Variants in IL1RAPL2 observed in about 807,000 individuals in gnomAD.
IL1RAPL2 encodes the protein X-linked interleukin-1 receptor accessory protein-like 2.
Under a neutral mutation model 44.1 loss-of-function variants are expected in IL1RAPL2, and 3 were observed. The ratio of observed to expected loss-of-function variants is 0.07; its 90% CI spans 0.03 to 0.18. The LOEUF (loss-of-function observed/expected upper bound fraction) is 0.18, where lower values mean the gene tolerates loss of function less well. IL1RAPL2 is among the 10% of genes least tolerant of loss of function. The probability of loss-of-function intolerance (pLI) is 1.00; values close to 1 mark genes in which losing one functional copy is unlikely to be tolerated. For synonymous variants in IL1RAPL2, 181 were observed against 178.8 expected, an observed-to-expected ratio of 1.01 and a Z score of -0.10; for missense variants, 391 against 496.4, an observed-to-expected ratio of 0.79 and a Z score of 2.02.
intron 2 of IL1RAPL2, among the ~76,000 whole-genome samples, chrX:104,982,730 G>T (rs1194276595): frequency 3.7e-5 from 3 of 80,482 alleles, no homozygotes; most frequent in African/African-American, 1.4e-4. Flanking sequence ...TGTTAAAAAT[G>T]TATTGTTAAA....
chrX:104,928,167 G>A (rs772112984), intron 2 of IL1RAPL2, among the ~76,000 whole-genome samples: 1 of 111,497 alleles, frequency 9.0e-6, no homozygotes, highest in South Asian at 3.8e-4. Context: ...ACAATCCAGT[G>A]TAACTGGATT....
At chrX:105,055,035 T>C (rs1361952557) in intron 2 of IL1RAPL2, among the ~76,000 whole-genome samples, 1 of 112,647 alleles carries the variant, frequency 8.9e-6, no homozygotes, top group Non-Finnish European at 1.9e-5. Context: ...TGAAATCATG[T>C]CAGACATATT....
At chrX:104,968,836 G>C (rs1418564214) in intron 2 of IL1RAPL2, among the ~76,000 whole-genome samples, 1 of 111,253 alleles carries the variant, frequency 9.0e-6, no homozygotes, top group Non-Finnish European at 1.9e-5. Flanking sequence ...TTTATTGAGA[G>C]ATAGTAGACT....
chrX:105,625,829 C>A (rs150099124), intron 6 of IL1RAPL2, among the ~76,000 whole-genome samples: 2 of 111,192 alleles, frequency 1.8e-5, no homozygotes, highest in East Asian at 5.7e-4. Context: ...ATCAATGTTC[C>A]GGCAGATTCA....
intron 5 of IL1RAPL2, among the ~76,000 whole-genome samples, chrX:105,380,137 G>T (rs2035418687): frequency 8.9e-6 from 1 of 111,754 alleles, no homozygotes; most frequent in South Asian, 3.7e-4. Context: ...GGTAATACTG[G>T]CTATCTCATG....
At chrX:104,630,272 T>G (rs990301052) in intron 1 of IL1RAPL2, among the ~76,000 whole-genome samples, 1 of 109,189 alleles carries the variant, frequency 9.2e-6, no homozygotes, top group Admixed American at 9.8e-5. Flanking sequence ...CTCAGCCCCC[T>G]GAGTAGCTGA....
rs771134657 is a variant in IL1RAPL2, at chrX:105,263,841, G to A, written c.544-3547G>A. Among the ~76,000 whole-genome samples the A allele has an allele frequency of 3.6e-5, 4 of 111,404 alleles. No individual in the cohort carries two copies. The East Asian group carries it at 1.1e-3, about 32-fold the overall frequency. ...GGGCTCTCAGCAAAATTTTCAAGTT[G>A]TTCAGGTTTAATAGTCCCAGGGACA... On this transcript the variant is annotated intron_variant, in intron 4 of 10. Transcript: ENST00000372582.
chrX:105,026,925 A>G (rs2031383311), intron 2 of IL1RAPL2, among the ~76,000 whole-genome samples: 2 of 111,393 alleles, frequency 1.8e-5, no homozygotes, highest in African/African-American at 3.3e-5. Flanking sequence ...TTCAAATTAT[A>G]TAACCAAGCA....
At chrX:105,479,746 T>TAAATA (rs990580984) in intron 5 of IL1RAPL2, among the ~76,000 whole-genome samples, 1 of 103,089 alleles carries the variant, frequency 9.7e-6, no homozygotes, top group Non-Finnish European at 2.0e-5. Context: ...TCTCAAAAAA[T>TAAATA]AAATAAAATA....
intron 2 of IL1RAPL2, among the ~76,000 whole-genome samples, chrX:104,983,082 C>T (rs2030473251): frequency 9.1e-6 from 1 of 110,485 alleles, no homozygotes; most frequent in Admixed American, 9.8e-5. Context: ...TCACATTCCC[C>T]ATTTCTTTGG....
At chrX:105,499,757 C>T (rs763974725) in intron 6 of IL1RAPL2, among the ~76,000 whole-genome samples, 3 of 111,652 alleles carry the variant, frequency 2.7e-5, no homozygotes, top group Non-Finnish European at 5.7e-5. Flanking sequence ...AGAAAATAAG[C>T]GCTGGTAAGG....
At chrX:104,573,856 T>A (rs937595292) in intron 1 of IL1RAPL2, among the ~76,000 whole-genome samples, 2 of 111,560 alleles carry the variant, frequency 1.8e-5, no homozygotes, top group African/African-American at 6.5e-5. Context: ...ATTCATGCGT[T>A]TGAGGGAAAA....
chrX:104,844,844 T>C (rs1195642770), intron 2 of IL1RAPL2, among the ~76,000 whole-genome samples: 1 of 111,949 alleles, frequency 8.9e-6, no homozygotes, highest in Non-Finnish European at 1.9e-5. Flanking sequence ...CTGCACCAAG[T>C]GTGTGGAGAC....
chrX:105,696,412 G>A (rs1463005780), intron 6 of IL1RAPL2, among the ~76,000 whole-genome samples: 1 of 111,239 alleles, frequency 9.0e-6, no homozygotes, highest in African/African-American at 3.3e-5. Context: ...GAAGGGATGT[G>A]GTTGATCTGG....
intron 2 of IL1RAPL2, among the ~76,000 whole-genome samples, chrX:105,008,998 C>A (rs958371125): frequency 1.7e-4 from 19 of 111,915 alleles, no homozygotes; most frequent in Admixed American, 1.3e-3. Context: ...ACATGAAAAA[C>A]TGCTCATCAT....
intron 9 of IL1RAPL2, among the ~76,000 whole-genome samples, chrX:105,753,426 C>T (rs771414415): frequency 1.8e-5 from 2 of 111,382 alleles, no homozygotes; most frequent in African/African-American, 3.3e-5. Context: ...ATATTCTGCT[C>T]ATGTGAATGG....
At chrX:104,823,845 T>A (rs1425752665) in intron 2 of IL1RAPL2, among the ~76,000 whole-genome samples, 1 of 112,274 alleles carries the variant, frequency 8.9e-6, no homozygotes, top group Non-Finnish European at 1.9e-5. Context: ...AGGGATAATT[T>A]GAATTCCTCT....
chrX:105,639,025 G>C (rs1236334909), intron 6 of IL1RAPL2, among the ~76,000 whole-genome samples: 1 of 111,645 alleles, frequency 9.0e-6, no homozygotes, highest in Non-Finnish European at 1.9e-5. Context: ...AGCCATAGAG[G>C]AACTCTAAGT....
intron 2 of IL1RAPL2, among the ~76,000 whole-genome samples, chrX:105,001,057 C>T (rs181853569): frequency 8.5e-4 from 95 of 111,427 alleles, no homozygotes; most frequent in African/African-American, 3.0e-3. Context: ...TCTTGCTTTT[C>T]CTTGTGACCA....
Sources: allele counts gnomAD v4.1 joint callset (sites outside exome capture counted in the v4.1 genomes callset), GRCh38; gene constraint gnomAD v4.1.1; transcripts MANE v1.5; gene names NCBI Gene and HGNC (gene_info 2026-07-23, HGNC 2026-07-21).